The following CASP5 variants were observed in gnomAD, a reference collection of about 807,000 sequenced individuals.
The protein encoded by CASP5 is caspase 5.
A neutral mutation model predicts 45.2 loss-of-function variants in CASP5; 42 were observed. The ratio of observed to expected loss-of-function variants is 0.93; its 90% CI spans 0.73 to 1.20. The LOEUF is 1.20. Among genes scored for constraint, CASP5 ranks in the 50% most tolerant of loss-of-function variants. The pLI, the probability that CASP5 is intolerant of heterozygous loss-of-function variation, is 0.00. For synonymous variants in CASP5, 209 were observed against 186.2 expected (o/e 1.12, Z -1.00); for missense variants, 512 against 532.2 (o/e 0.96, Z 0.37).
chr11:105,009,727 A>G (rs1862183437), intron 1 of CASP5, among the ~76,000 whole-genome samples: 1 of 32,130 alleles, frequency 3.1e-5, no homozygotes, highest in African/African-American at 1.5e-4. Flanking sequence ...ACACATATAT[A>G]TATATATATA....
chr11:105,017,279 C>T (rs1041375638), intron 1 of CASP5, among the ~76,000 whole-genome samples: 17 of 152,226 alleles, frequency 1.1e-4, no homozygotes, highest in Admixed American at 2.0e-4. Context: ...CGCAGTTCCT[C>T]GCCAGCAACG....
At chr11:105,001,897 TACACAC>T (rs113741374) in intron 5 of CASP5, 125 bp downstream of exon 5, 11 of 720,608 alleles carry the variant, frequency 1.5e-5, no homozygotes, top group Non-Finnish European at 2.5e-5. Context: ...TGTGCGCATG[TACACAC>T]ACACACACAC....
intron 8 of CASP5, among the ~76,000 whole-genome samples, 175 bp downstream of exon 8, chr11:104,997,208 T>A (rs994681486): frequency 6.6e-6 from 1 of 152,196 alleles, no homozygotes; most frequent in Admixed American, 6.6e-5. Flanking sequence ...TCTTCTGGGA[T>A]ATATTGACAT....
chr11:105,003,268 C>T lies in CASP5; in HGVS notation c.543+6G>A, dbSNP rs1424726691. ...TCTTCCCCATTTCATACAGAGAGCA[C>T]AGCACCTCATCATGATTTTTTTTAC... On this transcript the variant is annotated splice_donor_region_variant and intron_variant, in intron 4 of 9. Coordinates refer to ENST00000260315, the MANE Select transcript of CASP5 (RefSeq NM_004347.5). 6 of 1,493,394 alleles carry T rather than the reference C, an allele frequency of 4.0e-6. No individual in the cohort carries two copies. The highest frequency in any genetic ancestry group is 1.7e-4 in the Middle Eastern group (1 of 5,840). 92.5% of individuals were successfully genotyped at this position (1,493,394 alleles called of 1,614,324 possible). A position where few individuals can be genotyped will look rare whatever the true frequency, so the allele number is the denominator to read the frequency against.
intron 4 of CASP5, 101 bp from the exon 5 acceptor site, chr11:105,002,302 C>G: frequency 2.4e-6 from 2 of 844,078 alleles, no homozygotes; most frequent in Non-Finnish European, 3.9e-6. Flanking sequence ...GCAGCTGCCA[C>G]CTTCCCTAAC....
At chr11:104,997,610 C>G (rs900900291) in intron 7 of CASP5, 118 bp from the exon 8 acceptor site, 4 of 569,668 alleles carry the variant, frequency 7.0e-6, no homozygotes, top group Non-Finnish European at 1.2e-5. Flanking sequence ...TCCCTTATAA[C>G]CAAACATTTA....
intron 3 of CASP5, among the ~76,000 whole-genome samples, chr11:105,004,675 A>T (rs1272282288): frequency 6.6e-6 from 1 of 152,064 alleles, no homozygotes; most frequent in East Asian, 1.9e-4. Flanking sequence ...CTTCATTTTT[A>T]ATAATATTTT....
rs181528689 is a variant in CASP5 at position 104,996,580 on chromosome 11, C to T, written c.1207-738G>A. ...TGTGTTAATACCAATCCTATTTTCC[C>T]TTAAAAAGAGAAGGAACATTTATCT... On this transcript the variant is annotated intron_variant, in intron 8 of 9. Coordinates refer to ENST00000260315, the MANE Select transcript of CASP5 (RefSeq NM_004347.5). Among the ~76,000 whole-genome samples the T allele has an allele frequency of 5.0e-3, 768 of 152,236 alleles. 11 individuals are homozygous for T. The highest frequency in any genetic ancestry group is 0.017 in the African/African-American group (717 of 41,544).
chr11:105,015,689 G>T (rs970074810), intron 1 of CASP5, among the ~76,000 whole-genome samples: 1 of 151,658 alleles, frequency 6.6e-6, no homozygotes, highest in Non-Finnish European at 1.5e-5. Flanking sequence ...CAAAGAGGCA[G>T]CCATGGCTAT....
chr11:105,021,010 C>T (rs1862928461), intron 1 of CASP5, among the ~76,000 whole-genome samples: 1 of 151,974 alleles, frequency 6.6e-6, no homozygotes, highest in African/African-American at 2.4e-5. Flanking sequence ...TGCCGCATAT[C>T]TACAACTATC....
intron 7 of CASP5, among the ~76,000 whole-genome samples, chr11:104,998,240 A>G (rs941549572): frequency 2.6e-5 from 4 of 152,160 alleles, no homozygotes; most frequent in East Asian, 3.8e-4. Context: ...TACAGTTTTC[A>G]TATGTCAGCT....
chr11:105,007,473 CTTT>C (rs1051133609), intron 2 of CASP5, 139 bp from the exon 3 acceptor site: 1 of 816,654 alleles, frequency 1.2e-6, no homozygotes, highest in Non-Finnish European at 1.9e-6. Flanking sequence ...TAACACACAT[CTTT>C]TTTTGCAACT....
In CASP5 at chr11:105,002,181, T is replaced by C. The variant is rs1861770567; in HGVS notation, c.564A>G (p.Arg188=). The part of the protein sequence containing the change: ...NHDEIYPIKK[R]EDRRRLALII... ...TGAGAGCCAGGCGTCTGCGGTCCTC[T>C]CTCTTTTTTATTGGATAGATCTGCA... The change falls in exon 5 of 10, where the codon AGA becomes AGG. Residue 188 remains arginine, a synonymous_variant. Transcript: ENST00000260315. 6.2e-7 allele frequency: 1 copy of C among 1,613,860 alleles called. No homozygotes were observed. Among genetic ancestry groups the C allele is most frequent in the African/African-American group, 1.3e-5 (1 of 74,886 alleles).
intron 1 of CASP5, among the ~76,000 whole-genome samples, chr11:105,014,927 C>T (rs151074288): frequency 1.3e-5 from 2 of 152,270 alleles, no homozygotes; most frequent in Admixed American, 1.3e-4. Context: ...GGCACTGAGA[C>T]CTGAAAGACT....
Position 105,023,111 on chromosome 11 carries a change from G to C in CASP5, c.7+19C>G, listed in dbSNP as rs1325390965. 8 of 1,550,680 alleles carry C rather than the reference G, an allele frequency of 5.2e-6. No homozygotes were observed. The African/African-American group carries it at 1.1e-4, about 21-fold the overall frequency. ...GACCTGAGTACCCAGCTGCTAGTCAGAAAAGGGCCCAGACTCACCAGCCAT... is the reference window on the plus strand; with the variant it reads ...GACCTGAGTACCCAGCTGCTAGTCACAAAAGGGCCCAGACTCACCAGCCAT... On this transcript the variant is annotated intron_variant, in intron 1 of 9. Transcript: ENST00000260315.
intron 1 of CASP5, among the ~76,000 whole-genome samples, chr11:105,009,770 C>CACATAT (rs1491178677): frequency 1.4e-4 from 6 of 42,958 alleles, no homozygotes; most frequent in African/African-American, 6.2e-4. Flanking sequence ...CACACACACA[C>CACATAT]GTATATATAT....
chr11:105,005,356 ATGTGTGTGTGTGTGTGTGTGTGTG>A (rs5794366), intron 3 of CASP5, among the ~76,000 whole-genome samples: 1 of 139,246 alleles, frequency 7.2e-6, no homozygotes, highest in Non-Finnish European at 1.5e-5. Context: ...GTATATATAT[ATGTGTGTGTGTGTGTGTGTGTGTG>A]TGTGTGTGTG....
rs1485571900 is a variant in CASP5 at position 104,998,817 on chromosome 11, T to C, written c.1096+68A>G. ...CATTGTTGCATAGGGCCTATCTTGA[T>C]TTCATAGAATCATTCAAAGGTGGCC... On this transcript the variant is annotated intron_variant, in intron 7 of 9. Transcript: ENST00000260315. 67 of 1,507,592 alleles carry C rather than the reference T, an allele frequency of 4.4e-5. 1 individual carries two copies. Among genetic ancestry groups the C allele is most frequent in the South Asian group, 1.2e-4 (10 of 80,938 alleles). The allele number at this position is 1,507,592 out of a possible 1,614,324, so 93.4% of individuals were successfully genotyped here.
intron 4 of CASP5, 74 bp downstream of exon 4, chr11:105,003,200 T>A (rs774851975): frequency 6.2e-6 from 6 of 960,832 alleles, no homozygotes; most frequent in African/African-American, 1.6e-5. Context: ...ACCCCATTTT[T>A]AAAAATGTGC....
Sources: gnomAD v4.1 joint callset for allele counts (sites outside exome capture counted in the v4.1 genomes callset) on GRCh38, gnomAD v4.1.1 for gene constraint, MANE v1.5 for transcripts, NCBI Gene and HGNC (gene_info 2026-07-23, HGNC 2026-07-21) for gene names.